UBE2E1: variants seen among roughly 807,000 people sequenced by gnomAD.
The protein encoded by UBE2E1 is ubiquitin conjugating enzyme E2 E1, also known as ubiquitin-conjugating enzyme E2 E1.
UBE2E1 carries 6 observed loss-of-function variants against 21.4 expected under a neutral mutation model. That is an observed-to-expected ratio of 0.28 (90% CI 0.15 to 0.55). The LOEUF is 0.55. UBE2E1 is among the 20% of genes least tolerant of loss of function. UBE2E1 has a pLI of 0.93. For synonymous variants in UBE2E1, 87 were observed against 82.7 expected, an observed-to-expected ratio of 1.05 and a Z score of -0.28; for missense variants, 142 against 236.5, an observed-to-expected ratio of 0.60 and a Z score of 2.62.
chr3:23,831,509 A>C (rs1699864933), intron 3 of UBE2E1, among the ~76,000 whole-genome samples: 3 of 140,038 alleles, frequency 2.1e-5, no homozygotes. Flanking sequence ...ATATTTAACA[A>C]AATGAATACT....
chr3:23,868,744 T>C (rs1700712232), intron 3 of UBE2E1, among the ~76,000 whole-genome samples: 1 of 151,908 alleles, frequency 6.6e-6, no homozygotes, highest in African/African-American at 2.4e-5. Context: ...ATCTCAATAA[T>C]TGGAATCTGT....
Position 23,832,632 on chromosome 3 carries a change from G to A in UBE2E1, c.203+21122G>A, listed in dbSNP as rs567295827. Among the ~76,000 whole-genome samples, 131 of 152,314 alleles carry A rather than the reference G, an allele frequency of 8.6e-4. 1 individual carries two copies. The highest frequency in any genetic ancestry group is 1.7e-3 in the South Asian group (8 of 4,826). Reference sequence around the variant, plus strand: ...TTGAACTCAGTGGGTAGAGGTTGCAGTGAGCTGAGAGAGAATCGCTTGAAG... The same window carrying A: ...TTGAACTCAGTGGGTAGAGGTTGCAATGAGCTGAGAGAGAATCGCTTGAAG... On this transcript the variant is annotated intron_variant, in intron 3 of 5. Transcript: ENST00000306627.
intron 3 of UBE2E1, among the ~76,000 whole-genome samples, chr3:23,837,861 G>A (rs1166830268): frequency 2.0e-5 from 3 of 152,172 alleles, no homozygotes; most frequent in Admixed American, 6.6e-5. Flanking sequence ...GTAATATGGA[G>A]AACTGAGAAT....
In UBE2E1 at chr3:23,807,269, T is replaced by C. The variant is rs747429325; in HGVS notation, c.-1T>C. 1 of 1,611,632 alleles carries C rather than the reference T, an allele frequency of 6.2e-7. No homozygotes were observed. Among genetic ancestry groups the C allele is most frequent in the East Asian group, 2.2e-5 (1 of 44,828 alleles). On this transcript the variant is annotated 5_prime_UTR_variant, in exon 2 of 6. Transcript: ENST00000306627. ...TTGCGGGGTGGGGTGGGGGGTTCGC[T>C]ATGTCGGATGACGATTCGAGGGCCA...
intron 3 of UBE2E1, among the ~76,000 whole-genome samples, chr3:23,859,119 C>T (rs760420663): frequency 6.6e-6 from 1 of 152,132 alleles, no homozygotes; most frequent in Non-Finnish European, 1.5e-5. Context: ...CTACCAGTTA[C>T]CTCACTAAAC....
At chr3:23,812,773 C>G (rs1391274927) in intron 3 of UBE2E1, among the ~76,000 whole-genome samples, 1 of 152,120 alleles carries the variant, frequency 6.6e-6, no homozygotes, top group Non-Finnish European at 1.5e-5. Flanking sequence ...TGGTGGTTCA[C>G]GTGGAAGCCT....
At chr3:23,834,888 T>C (rs1342772316) in intron 3 of UBE2E1, among the ~76,000 whole-genome samples, 2 of 152,216 alleles carry the variant, frequency 1.3e-5, no homozygotes, top group African/African-American at 4.8e-5. Flanking sequence ...TGGAGGAAAT[T>C]TAAAACTAAA....
rs959399168 is a variant in UBE2E1 at position 23,806,407 on chromosome 3, G to A, written c.-34+319G>A. 2.0e-5 allele frequency among the ~76,000 whole-genome samples: 3 copies of A among 151,836 alleles called. No individual in the cohort carries two copies. Among genetic ancestry groups the A allele is most frequent in the African/African-American group, 7.2e-5 (3 of 41,414 alleles). ...GAGGGGCCCGGGAGCGGGGGTGGGAGGGAGTTGGGGGAGCCCCGTTTTCCC... is the reference window on the plus strand; with the variant it reads ...GAGGGGCCCGGGAGCGGGGGTGGGAAGGAGTTGGGGGAGCCCCGTTTTCCC... On this transcript the variant is annotated intron_variant, in intron 1 of 5. Transcript: ENST00000306627. The surrounding 1 kb of genome is among the most constrained non-coding windows in gnomAD (Gnocchi z 6.5).
At chr3:23,849,954 C>A (rs564438187) in intron 3 of UBE2E1, among the ~76,000 whole-genome samples, 18 of 152,194 alleles carry the variant, frequency 1.2e-4, no homozygotes, top group African/African-American at 4.1e-4. Context: ...AATGGTGTGT[C>A]TTTGATTTTC....
chr3:23,810,531 C>T lies in UBE2E1; in HGVS notation c.153-929C>T. Reference sequence around the variant, plus strand: ...AGAGGACGCCCGGGGAAAAGCAGGTCCGGGGAGGTGGGCCGAGAGTCCCGG... The same window carrying T: ...AGAGGACGCCCGGGGAAAAGCAGGTTCGGGGAGGTGGGCCGAGAGTCCCGG... On this transcript the variant is annotated intron_variant, in intron 2 of 5. Transcript: ENST00000306627. The surrounding 1 kb of genome is among the most constrained non-coding windows in gnomAD (Gnocchi z 5.8). The T allele has an allele frequency of 6.5e-7, 1 of 1,534,742 alleles. No homozygotes were observed. The highest frequency in any genetic ancestry group is 8.7e-7 in the Non-Finnish European group (1 of 1,146,150).
At chr3:23,857,219 GT>G (rs1398830060) in intron 3 of UBE2E1, among the ~76,000 whole-genome samples, 5 of 151,858 alleles carry the variant, frequency 3.3e-5, no homozygotes, top group Admixed American at 3.3e-4. Context: ...GGGTAGAGGT[GT>G]TCAGGAGTAT....
chr3:23,875,791 G>C (rs74874981), intron 3 of UBE2E1, among the ~76,000 whole-genome samples: 1 of 152,070 alleles, frequency 6.6e-6, no homozygotes, highest in African/African-American at 2.4e-5. Flanking sequence ...AATTTTTTTT[G>C]AGACGGAGTC....
intron 3 of UBE2E1, among the ~76,000 whole-genome samples, chr3:23,818,644 C>A (rs1447620611): frequency 6.6e-6 from 1 of 152,156 alleles, no homozygotes; most frequent in African/African-American, 2.4e-5. Context: ...TTGATGCTTC[C>A]GTGTGTTTAG....
rs948509057 is a variant in UBE2E1, at chr3:23,887,519, A to G, written c.204-48A>G. On this transcript the variant is annotated intron_variant, in intron 3 of 5. Transcript: ENST00000306627. This position sits in a 1 kb window ranked among gnomAD's most constrained non-coding sequence, Gnocchi z 4.4. ...CCATCTCTTTTAATACACTGTAAAA[A>G]TTGGGATAGTGCCACCATCTGCTTA... 6.4e-7 allele frequency: 1 copy of G among 1,573,764 alleles called. No individual in the cohort carries two copies. Among genetic ancestry groups the G allele is most frequent in the Middle Eastern group, 1.7e-4 (1 of 5,856 alleles).
chr3:23,858,140 T>A (rs1160516547), intron 3 of UBE2E1, among the ~76,000 whole-genome samples: 1 of 152,216 alleles, frequency 6.6e-6, no homozygotes, highest in African/African-American at 2.4e-5. Flanking sequence ...CTATGGCAGA[T>A]ACCACTTGGG....
chr3:23,874,052 T>G (rs963867812), intron 3 of UBE2E1, among the ~76,000 whole-genome samples: 3 of 152,232 alleles, frequency 2.0e-5, no homozygotes, highest in Non-Finnish European at 4.4e-5. Context: ...TCACTTCCCA[T>G]GCTTCCCACT....
At chr3:23,888,005 C>T (rs116513785) in intron 4 of UBE2E1, among the ~76,000 whole-genome samples, 2,184 of 152,190 alleles carry the variant, frequency 0.014, 60 homozygotes, top group African/African-American at 0.05. Context: ...GAACCTTTCT[C>T]GAGGTTAAAA....
chr3:23,875,607 T>G (rs200945870), intron 3 of UBE2E1, among the ~76,000 whole-genome samples: 1 of 152,222 alleles, frequency 6.6e-6, no homozygotes, highest in East Asian at 1.9e-4. Flanking sequence ...TTCCTCAGTG[T>G]TGTTGTTACA....
chr3:23,889,171 G>A lies in UBE2E1; in HGVS notation c.396G>A (p.Leu132=). 10 of 1,612,604 alleles carry A rather than the reference G, an allele frequency of 6.2e-6. No homozygotes were observed. Among genetic ancestry groups the A allele is most frequent in the Non-Finnish European group, 8.5e-6 (10 of 1,179,738 alleles). The change falls in exon 5 of 6, where the codon TTG becomes TTA. Residue 132 remains leucine (L), a synonymous_variant. Coordinates refer to ENST00000306627, the MANE Select transcript of UBE2E1 (RefSeq NM_003341.5). ...TTAACAGTCAAGGTGTTATTTGCTT[G>A]GACATATTGAAAGATAATTGGAGTC... ...CNINSQGVIC[L]DILKDNWSPA...
Sources: allele counts gnomAD v4.1 joint callset (sites outside exome capture counted in the v4.1 genomes callset), GRCh38; gene constraint gnomAD v4.1.1; non-coding constraint Gnocchi (gnomAD v3.1); transcripts MANE v1.5; gene names NCBI Gene and HGNC (gene_info 2026-07-23, HGNC 2026-07-21).